ORC4: variants seen among roughly 807,000 people sequenced by gnomAD.
ORC4 encodes the protein origin recognition complex subunit 4, also known as origin recognition complex, subunit 4 homolog.
ORC4 carries 55 observed loss-of-function variants against 63.9 expected under a neutral mutation model. That is an observed-to-expected ratio of 0.86 (90% CI 0.69 to 1.08). ORC4 has a LOEUF of 1.08. Among genes scored for constraint, ORC4 ranks in the 50% least tolerant of loss-of-function variants. The probability of loss-of-function intolerance (pLI) is 0.00; values close to 1 mark genes in which losing one functional copy is unlikely to be tolerated. For synonymous variants in ORC4, 150 were observed against 168.5 expected (o/e 0.89, Z 0.85); for missense variants, 511 against 504.4 (o/e 1.01, Z -0.13).
At chr2:148,000,377 A>T (rs1037396481) in intron 1 of ORC4, among the ~76,000 whole-genome samples, 3 of 152,180 alleles carry the variant, frequency 2.0e-5, no homozygotes, top group Non-Finnish European at 4.4e-5. Flanking sequence ...CTGAAGAGTG[A>T]TGGAAGTAAG....
chr2:147,946,784 C>T (rs1051991958), intron 9 of ORC4, among the ~76,000 whole-genome samples: 6 of 151,810 alleles, frequency 4.0e-5, no homozygotes, highest in African/African-American at 1.5e-4. Flanking sequence ...AATATGTAGG[C>T]TTTGAGTCCT....
chr2:148,015,307 ATTTTTTTTTT>A (rs1158861758), intron 1 of ORC4, among the ~76,000 whole-genome samples: 3 of 92,290 alleles, frequency 3.3e-5, no homozygotes, highest in African/African-American at 4.5e-5. Context: ...TGATATTGGA[ATTTTTTTTTT>A]TTTTTTTTTT....
intron 1 of ORC4, among the ~76,000 whole-genome samples, chr2:147,977,408 C>T (rs1050136195): frequency 6.6e-6 from 1 of 152,118 alleles, no homozygotes; most frequent in Non-Finnish European, 1.5e-5. Context: ...TATAATAATG[C>T]GAGAATGACA....
At chr2:148,012,831 GAAAA>G (rs1317256437) in intron 1 of ORC4, among the ~76,000 whole-genome samples, 5 of 152,020 alleles carry the variant, frequency 3.3e-5, no homozygotes, top group Non-Finnish European at 7.4e-5. Context: ...ACAGGCATAT[GAAAA>G]AAATGTTCCA....
rs140134375 is a variant in ORC4 at position 147,987,366 on chromosome 2, A to ATGTG, written c.-17-11395_-17-11392dup. Among the ~76,000 whole-genome samples the ATGTG allele has an allele frequency of 2.4e-3, 277 of 116,374 alleles. 1 individual carries two copies. The highest frequency in any genetic ancestry group is 8.3e-3 in the East Asian group (27 of 3,244). The allele number at this position is 116,374 out of a possible 152,430, so 76.3% of individuals were successfully genotyped here. A position where few individuals can be genotyped will look rare whatever the true frequency, so the allele number is the denominator to read the frequency against. ...GAACTTTCCATATATAGATATATAT[A>ATGTG]TGTGTGTGTGTGTGTGTATATATAT... On this transcript the variant is annotated intron_variant, in intron 1 of 13. Transcript: ENST00000392857.
rs1692724990 is a variant in ORC4 at position 148,007,886 on chromosome 2, A to C, written c.-18+12747T>G. Among the ~76,000 whole-genome samples, 4 of 152,226 alleles carry C rather than the reference A, an allele frequency of 2.6e-5. No homozygotes were observed. In the South Asian group the frequency reaches 8.3e-4, roughly 31 times the overall value. On this transcript the variant is annotated intron_variant, in intron 1 of 13. Transcript: ENST00000392857. ...TACATCTGGCAGCAAACTTCAGCAG[A>C]AACGCTACAGGCCAGAAGAGAGTAG...
At position 147,943,490 on chromosome 2, in the gene ORC4, T is replaced by G. The variant is rs1329870497; in HGVS notation, c.795A>C (p.Val265=). 6.2e-7 allele frequency: 1 copy of G among 1,601,006 alleles called. No individual in the cohort carries two copies. The highest frequency in any genetic ancestry group is 8.5e-7 in the Non-Finnish European group (1 of 1,169,686). The change falls in exon 10 of 14, where the codon GTA becomes GTC. Residue 265 remains valine (V), a synonymous_variant. Transcript: ENST00000392857. The stretch of plus-strand genomic sequence containing the variant: ...TGCTGATATTGAAATGCTTCTGTAG[T>G]ACTTCTTGCACACTTCTATCTTCTG... The part of the protein sequence containing the change: ...YLSEDRSVQE[V]LQKHFNISKN...
chr2:147,997,025 G>A, intron 1 of ORC4, among the ~76,000 whole-genome samples: 1 of 152,076 alleles, frequency 6.6e-6, no homozygotes, highest in East Asian at 1.9e-4. Context: ...ATATGTGAAT[G>A]GATAAACCAA....
At chr2:147,975,736 C>T (rs1354457886) in intron 2 of ORC4, among the ~76,000 whole-genome samples, 166 bp downstream of exon 2, 1 of 152,092 alleles carries the variant, frequency 6.6e-6, no homozygotes, top group Non-Finnish European at 1.5e-5. Context: ...GTTCTTACGA[C>T]CTTGTGCTGG....
upstream of ORC4, chr2:148,021,022 C>T (rs542802701): frequency 1.3e-5 from 2 of 152,246 alleles, no homozygotes; most frequent in Non-Finnish European, 2.9e-5. Context: ...ACCAACCAGC[C>T]ACCCGTCAGA....
intron 1 of ORC4, among the ~76,000 whole-genome samples, chr2:148,004,418 C>G (rs925171135): frequency 5.9e-5 from 9 of 152,070 alleles, no homozygotes; most frequent in African/African-American, 2.2e-4. Context: ...AACAGATATA[C>G]AGACCAATGG....
chr2:147,960,957 A>C (rs1436906088), intron 4 of ORC4, among the ~76,000 whole-genome samples: 1 of 152,144 alleles, frequency 6.6e-6, no homozygotes, highest in Non-Finnish European at 1.5e-5. Context: ...TTTTAAATAA[A>C]ATGCTTGTAA....
intron 1 of ORC4, among the ~76,000 whole-genome samples, chr2:148,005,240 G>T (rs1170565733): frequency 6.6e-6 from 1 of 152,164 alleles, no homozygotes; most frequent in Non-Finnish European, 1.5e-5. Flanking sequence ...AAAAGGATGA[G>T]TTCATGTCCT....
At chr2:148,015,128 A>G (rs1255112860) in intron 1 of ORC4, among the ~76,000 whole-genome samples, 2 of 151,846 alleles carry the variant, frequency 1.3e-5, no homozygotes, top group Admixed American at 6.6e-5. Flanking sequence ...AAAAAAAAGA[A>G]GAAAAGAATT....
At position 147,935,622 on chromosome 2, in the gene ORC4, T is replaced by G. The variant is rs1218038136; in HGVS notation, c.1199A>C (p.Gln400Pro). 1 of 1,613,528 alleles carries G rather than the reference T, an allele frequency of 6.2e-7. No individual in the cohort carries two copies. The highest frequency in any genetic ancestry group is 8.5e-7 in the Non-Finnish European group (1 of 1,179,550). ...RTSGNSQREYQLMKLLLDNTQ... is the reference protein window; with the variant it reads ...RTSGNSQREYPLMKLLLDNTQ... ...ATTATCCAAAAGCAGTTTCATCAGC[T>G]GGTACTCTCTCTGTGAATTTCCTGA... Residue 400 changes from glutamine (Q) to proline (P), a missense_variant, in exon 14 of 14, where the codon CAG becomes CCG. By Grantham distance (76) the Gln-to-Pro change is moderately conservative. Coordinates refer to ENST00000392857, the MANE Select transcript of ORC4 (RefSeq NM_181741.4).
intron 1 of ORC4, among the ~76,000 whole-genome samples, chr2:147,977,461 A>C: frequency 6.6e-6 from 1 of 152,232 alleles, no homozygotes; most frequent in Admixed American, 6.5e-5. Flanking sequence ...GTGTCCCCAA[A>C]TAGCAACAAT....
intron 4 of ORC4, among the ~76,000 whole-genome samples, chr2:147,971,170 C>G (rs1690186455): frequency 6.6e-6 from 1 of 151,802 alleles, no homozygotes; most frequent in Non-Finnish European, 1.5e-5. Flanking sequence ...TAAATAAAAA[C>G]TACTCTACCA....
intron 1 of ORC4, among the ~76,000 whole-genome samples, chr2:148,009,667 T>C (rs190722740): frequency 1.5e-4 from 23 of 152,298 alleles, no homozygotes; most frequent in African/African-American, 5.3e-4. Flanking sequence ...GGACAGATCA[T>C]CTAGACAGAA....
At position 147,969,366 on chromosome 2, in the gene ORC4, A is replaced by T. The variant is rs1442993399; in HGVS notation, c.225+3373T>A. Among the ~76,000 whole-genome samples, 2 of 152,110 alleles carry T rather than the reference A, an allele frequency of 1.3e-5. 1 individual carries two copies. The highest frequency in any genetic ancestry group is 1.3e-4 in the Admixed American group (2 of 15,270). The stretch of plus-strand genomic sequence containing the variant: ...TATTCTGATTTGATCACTATACACT[A>T]TATGCATCAAAACATCACTATATAT... On this transcript the variant is annotated intron_variant, in intron 4 of 13. Coordinates refer to ENST00000392857, the MANE Select transcript of ORC4 (RefSeq NM_181741.4).
Sources: allele counts gnomAD v4.1 joint callset (sites outside exome capture counted in the v4.1 genomes callset), GRCh38; gene constraint gnomAD v4.1.1; transcripts MANE v1.5; gene names NCBI Gene and HGNC (gene_info 2026-07-23, HGNC 2026-07-21).